The following KLHL12 variants were observed in gnomAD, a reference collection of about 807,000 sequenced individuals.
The protein encoded by KLHL12 is kelch-like protein 12.
KLHL12 carries 17 observed loss-of-function variants against 60.8 expected under a neutral mutation model. The observed-to-expected ratio is 0.28, with a 90% CI of 0.19 to 0.42. The LOEUF is 0.42. Ranked by LOEUF, KLHL12 falls within the 10% of genes least tolerant of loss-of-function variation. KLHL12 has a pLI of 1.00. For missense variants in KLHL12, 468 were observed against 722.3 expected (o/e 0.65, Z 4.04); for synonymous variants, 220 against 250.9 (o/e 0.88, Z 1.16).
chr1:202,893,241 T>C lies in KLHL12; in HGVS notation c.1578A>G (p.Ala526=). The C allele has an allele frequency of 1.3e-6, 2 of 1,597,546 alleles. No homozygotes were observed. Among genetic ancestry groups the C allele is most frequent in the African/African-American group, 1.3e-5 (1 of 74,298 alleles). Reference sequence around the variant, plus strand: ...TGGATTCGTTTCTAAATCCTCACCCTGCAATTGCATAGAGTCTCCCCCGAA... The same window carrying C: ...TGGATTCGTTTCTAAATCCTCACCCCGCAATTGCATAGAGTCTCCCCCGAA... ...TVLRGRLYAI[A]GYDGNSLLSS... Residue 526 remains alanine, a splice_region_variant and synonymous_variant, in exon 11 of 12, where the codon GCA becomes GCG. Coordinates refer to ENST00000367261, the MANE Select transcript of KLHL12 (RefSeq NM_021633.4). This position sits in a 1 kb window ranked among gnomAD's most constrained non-coding sequence, Gnocchi z 4.1.
intron 4 of KLHL12, among the ~76,000 whole-genome samples, chr1:202,911,410 T>TA (rs67830135): frequency 0.057 from 4,997 of 87,704 alleles, 147 homozygotes; most frequent in South Asian, 0.13. Flanking sequence ...CAATTTGGGT[T>TA]AAAAAAAAAA....
At chr1:202,927,014 G>T (rs114170147) in intron 1 of KLHL12, 75 bp downstream of exon 1, 39 of 953,406 alleles carry the variant, frequency 4.1e-5, no homozygotes, top group Middle Eastern at 5.3e-4. Flanking sequence ...GACCAAGGAT[G>T]GGGGGTAGGG....
intron 4 of KLHL12, among the ~76,000 whole-genome samples, chr1:202,915,208 G>A (rs1356122525): frequency 6.6e-6 from 1 of 152,136 alleles, no homozygotes. Flanking sequence ...TATAGAAGAG[G>A]AAACTGAAAA....
rs1660637616 is a variant in KLHL12 at position 202,920,011 on chromosome 1, C to T, written c.196-103G>A. 5.5e-6 allele frequency: 6 copies of T among 1,089,092 alleles called. 1 individual carries two copies. The Admixed American group carries it at 1.2e-4, about 21-fold the overall frequency. The allele number at this position is 1,089,092 out of a possible 1,614,324, so 67.5% of individuals were successfully genotyped here. A position where few individuals can be genotyped will look rare whatever the true frequency, so the allele number is the denominator to read the frequency against. On this transcript the variant is annotated intron_variant, in intron 2 of 11. Transcript: ENST00000367261. ...AGAGATGTTAATAATATTAATTGAACATTTATCTTTAAAAATTACAGGCCA... is the reference window on the plus strand; with the variant it reads ...AGAGATGTTAATAATATTAATTGAATATTTATCTTTAAAAATTACAGGCCA...
At chr1:202,927,299 G>T, upstream of KLHL12, 1 of 984,540 alleles carries the variant, frequency 1.0e-6, no homozygotes, top group Non-Finnish European at 1.2e-6. Flanking sequence ...CCCCGCTCCA[G>T]AGTCTGCGTC....
intron 6 of KLHL12, among the ~76,000 whole-genome samples, chr1:202,899,441 T>C (rs1659937802): frequency 6.6e-6 from 1 of 152,210 alleles, no homozygotes; most frequent in Non-Finnish European, 1.5e-5. Context: ...CACGGAGTTT[T>C]TCTAAGAGGG....
At position 202,909,194 on chromosome 1, in the gene KLHL12, A is replaced by G. The variant is rs1660284107; in HGVS notation, c.718-70T>C. The stretch of plus-strand genomic sequence containing the variant: ...AATACTATAAGAGTACAAAGAGCAC[A>G]TGCAAATAATTAACTTCTGACTACA... On this transcript the variant is annotated intron_variant, in intron 5 of 11. Coordinates refer to ENST00000367261, the MANE Select transcript of KLHL12 (RefSeq NM_021633.4). This position sits in a 1 kb window ranked among gnomAD's most constrained non-coding sequence, Gnocchi z 4.1. 3.2e-6 allele frequency: 3 copies of G among 950,018 alleles called. No homozygotes were observed. Among genetic ancestry groups the G allele is most frequent in the Non-Finnish European group, 4.9e-6 (3 of 606,534 alleles). The allele number at this position is 950,018 out of a possible 1,614,324, so 58.8% of individuals were successfully genotyped here.
intron 2 of KLHL12, among the ~76,000 whole-genome samples, chr1:202,922,978 G>A (rs1660744215): frequency 6.6e-6 from 1 of 152,176 alleles, no homozygotes; most frequent in South Asian, 2.1e-4. Context: ...AAACCATCTA[G>A]TTCAACTACT....
intron 2 of KLHL12, among the ~76,000 whole-genome samples, chr1:202,924,493 C>T (rs1653425703): frequency 6.6e-6 from 1 of 152,100 alleles, no homozygotes; most frequent in African/African-American, 2.4e-5. Context: ...TGGCTCACAC[C>T]TGTAATGCCA....
In KLHL12 at chr1:202,893,146, C is replaced by T; in HGVS notation, c.1580+93G>A. 9.7e-7 allele frequency: 1 copy of T among 1,030,352 alleles called. No homozygotes were observed. The highest frequency in any genetic ancestry group is 1.4e-6 in the Non-Finnish European group (1 of 710,504). 63.8% of individuals were successfully genotyped at this position (1,030,352 alleles called of 1,614,324 possible). On this transcript the variant is annotated intron_variant, in intron 11 of 11. Coordinates refer to ENST00000367261, the MANE Select transcript of KLHL12 (RefSeq NM_021633.4). This position sits in a 1 kb window ranked among gnomAD's most constrained non-coding sequence, Gnocchi z 4.1. ...TGCCACTGGAGATGTCTACCCCTAC[C>T]CAAGTCTTGTCTCTGTCCAAAAATG...
intron 1 of KLHL12, among the ~76,000 whole-genome samples, chr1:202,925,814 T>C (rs1176952459): frequency 2.0e-5 from 3 of 152,224 alleles, no homozygotes; most frequent in East Asian, 1.9e-4. Context: ...CTTCTTAAAA[T>C]GAAACTTCAG....
chr1:202,894,312 T>G, intron 9 of KLHL12, 30 bp from the exon 10 acceptor site: 1 of 1,431,440 alleles, frequency 7.0e-7, no homozygotes, highest in African/African-American at 1.4e-5. Context: ...CCAGAAAGAG[T>G]GGTAAATCCT....
At chr1:202,896,741 A>AAACATC in intron 7 of KLHL12, 113 bp downstream of exon 7, 1 of 816,582 alleles carries the variant, frequency 1.2e-6, no homozygotes. Context: ...CTGTTGTAAG[A>AAACATC]AACATCCTGT....
intron 6 of KLHL12, among the ~76,000 whole-genome samples, chr1:202,904,515 C>T (rs1483911319): frequency 1.3e-5 from 2 of 152,060 alleles, no homozygotes; most frequent in South Asian, 2.1e-4. Flanking sequence ...CAATCTGACT[C>T]GTGTAAAAAA....
In KLHL12 at chr1:202,895,583, G is replaced by A; in HGVS notation, c.1074C>T (p.Val358=). 1 of 1,614,102 alleles carries A rather than the reference G, an allele frequency of 6.2e-7. No individual in the cohort carries two copies. The highest frequency in any genetic ancestry group is 8.5e-7 in the Non-Finnish European group (1 of 1,180,008). The part of the protein sequence containing the change: ...CLDYTADEDG[V]WYSVAPMNVR... ...CATTCATAGGGGCCACAGAATACCAGACCCCATCCTCATCTGCTGTGTAGT... is the reference window on the plus strand; with the variant it reads ...CATTCATAGGGGCCACAGAATACCAAACCCCATCCTCATCTGCTGTGTAGT... Residue 358 remains valine (V), a synonymous_variant, in exon 8 of 12, where the codon GTC becomes GTT. Coordinates refer to ENST00000367261, the MANE Select transcript of KLHL12 (RefSeq NM_021633.4). This position sits in a 1 kb window ranked among gnomAD's most constrained non-coding sequence, Gnocchi z 4.2.
chr1:202,919,083 CCA>C (rs570067656), intron 3 of KLHL12, among the ~76,000 whole-genome samples: 162 of 152,262 alleles, frequency 1.1e-3, no homozygotes, highest in African/African-American at 3.4e-3. Context: ...GAACTCATCT[CCA>C]CACAAAAAAA....
chr1:202,898,392 G>C (rs1029351805), intron 6 of KLHL12, among the ~76,000 whole-genome samples: 16 of 152,176 alleles, frequency 1.1e-4, no homozygotes, highest in African/African-American at 3.6e-4. Flanking sequence ...AAGCTGACAG[G>C]AAACACAGAT....
Position 202,891,120 on chromosome 1 carries a change from T to C in KLHL12, c.*1413A>G, listed in dbSNP as rs1445538172. On this transcript the variant is annotated 3_prime_UTR_variant, in exon 12 of 12. Coordinates refer to ENST00000367261, the MANE Select transcript of KLHL12 (RefSeq NM_021633.4). ...GTTGGTTAGCCACAAACTCTCGGCA[T>C]TTGAGACCGTTGATTTTTAATATTT... 6.6e-6 allele frequency: 1 copy of C among 152,302 alleles called. No individual in the cohort carries two copies. Among genetic ancestry groups the C allele is most frequent in the Non-Finnish European group, 1.5e-5 (1 of 68,046 alleles). The allele number at this position is 152,302 out of a possible 1,614,324, so 9.4% of individuals were successfully genotyped here.
chr1:202,909,240 C>G lies in KLHL12; in HGVS notation c.718-116G>C. The G allele has an allele frequency of 3.2e-6, 2 of 631,368 alleles. No homozygotes were observed. Among genetic ancestry groups the G allele is most frequent in the Non-Finnish European group, 5.6e-6 (2 of 355,998 alleles). The allele number at this position is 631,368 out of a possible 1,614,324, so 39.1% of individuals were successfully genotyped here. A position where few individuals can be genotyped will look rare whatever the true frequency, so the allele number is the denominator to read the frequency against. On this transcript the variant is annotated intron_variant, in intron 5 of 11. Transcript: ENST00000367261. This position sits in a 1 kb window ranked among gnomAD's most constrained non-coding sequence, Gnocchi z 4.1. Reference sequence around the variant, plus strand: ...CTACAGAAAACCAGTTTGCAAAGCCCTGTGATTCCAGGAGTATTGCTGGTA... The same window carrying G: ...CTACAGAAAACCAGTTTGCAAAGCCGTGTGATTCCAGGAGTATTGCTGGTA...
Sources: allele counts gnomAD v4.1 joint callset (sites outside exome capture counted in the v4.1 genomes callset), GRCh38; gene constraint gnomAD v4.1.1; non-coding constraint Gnocchi (gnomAD v3.1); transcripts MANE v1.5; gene names NCBI Gene and HGNC (gene_info 2026-07-23, HGNC 2026-07-21).